Variants in TIMM9 observed in about 807,000 individuals in gnomAD.
The protein encoded by TIMM9 is mitochondrial import inner membrane translocase subunit Tim9.
Under a neutral mutation model 13.4 loss-of-function variants are expected in TIMM9, and 10 were observed. The ratio of observed to expected loss-of-function variants is 0.75; its 90% CI spans 0.46 to 1.26. The LOEUF is 1.26. Among genes scored for constraint, TIMM9 ranks in the 50% most tolerant of loss-of-function variants. TIMM9 has a pLI of 0.00. For missense variants in TIMM9, 87 were observed against 100.8 expected, an observed-to-expected ratio of 0.86 and a Z score of 0.58; for synonymous variants, 32 against 32.1, an observed-to-expected ratio of 1.00 and a Z score of 0.01.
intron 3 of TIMM9, 152 bp from the exon 4 acceptor site, chr14:58,412,123 G>A (rs1412139235): frequency 3.5e-6 from 2 of 569,626 alleles, no homozygotes; most frequent in Non-Finnish European, 3.1e-6. Flanking sequence ...AATGACCATA[G>A]AACCTTACAG....
chr14:58,424,477 C>A (rs1232213144), intron 2 of TIMM9, among the ~76,000 whole-genome samples: 1 of 152,140 alleles, frequency 6.6e-6, no homozygotes, highest in East Asian at 1.9e-4. Flanking sequence ...TTCCCCATTG[C>A]ACCTATAAAA....
intron 3 of TIMM9, among the ~76,000 whole-genome samples, chr14:58,419,813 G>T (rs1187567234): frequency 2.0e-5 from 3 of 152,080 alleles, no homozygotes; most frequent in Non-Finnish European, 4.4e-5. Flanking sequence ...CTACTCAAGA[G>T]GCTGAGGTAG....
chr14:58,409,313 C>G, intron 5 of TIMM9, 145 bp from the exon 6 acceptor site: 1 of 871,986 alleles, frequency 1.1e-6, no homozygotes, highest in East Asian at 2.8e-5. Flanking sequence ...AGCAACTGAC[C>G]ATAGCTTTTA....
At chr14:58,416,587 C>T (rs979934674) in intron 3 of TIMM9, among the ~76,000 whole-genome samples, 15 of 152,162 alleles carry the variant, frequency 9.9e-5, no homozygotes, top group Non-Finnish European at 1.9e-4. Context: ...CCTGGAACAT[C>T]AAGGAGGAAA....
intron 4 of TIMM9, among the ~76,000 whole-genome samples, chr14:58,411,414 C>T (rs1397862694): frequency 6.6e-6 from 1 of 151,368 alleles, no homozygotes; most frequent in South Asian, 2.1e-4. Context: ...TGCCACTGCA[C>T]TCCAGCCTGG....
At chr14:58,409,838 A>C (rs1207639090) in intron 5 of TIMM9, among the ~76,000 whole-genome samples, 3 of 152,036 alleles carry the variant, frequency 2.0e-5, no homozygotes, top group African/African-American at 7.2e-5. Context: ...TCAGCCTCCC[A>C]ATGTGCTGAA....
intron 2 of TIMM9, among the ~76,000 whole-genome samples, chr14:58,424,350 C>T (rs370424510): frequency 2.6e-5 from 4 of 152,082 alleles, no homozygotes; most frequent in African/African-American, 7.2e-5. Context: ...GATTTTCCTA[C>T]TAATTCTGGG....
At chr14:58,409,851 T>C (rs978215152) in intron 5 of TIMM9, among the ~76,000 whole-genome samples, 1 of 152,094 alleles carries the variant, frequency 6.6e-6, no homozygotes, top group Admixed American at 6.6e-5. Flanking sequence ...GTGCTGAAGT[T>C]CCAGGCGTGA....
chr14:58,418,420 CCA>C, intron 3 of TIMM9, among the ~76,000 whole-genome samples: 1 of 152,318 alleles, frequency 6.6e-6, no homozygotes, highest in Middle Eastern at 3.4e-3. Flanking sequence ...TCCACTCTCA[CCA>C]CTCTTATCTA....
At chr14:58,415,295 G>C (rs903036183) in intron 3 of TIMM9, among the ~76,000 whole-genome samples, 1 of 152,086 alleles carries the variant, frequency 6.6e-6, no homozygotes, top group Non-Finnish European at 1.5e-5. Context: ...TGATATGCAA[G>C]ATGTCCAGGC....
chr14:58,415,028 G>T (rs548706670), intron 3 of TIMM9, among the ~76,000 whole-genome samples: 2 of 152,144 alleles, frequency 1.3e-5, no homozygotes, highest in African/African-American at 2.4e-5. Flanking sequence ...GAGGCCACAT[G>T]GGGAGAGTAA....
At chr14:58,412,420 G>A (rs1329509741) in intron 3 of TIMM9, among the ~76,000 whole-genome samples, 2 of 152,178 alleles carry the variant, frequency 1.3e-5, no homozygotes, top group Non-Finnish European at 2.9e-5. Flanking sequence ...GATTACAGGC[G>A]TTAGCCGCCG....
At chr14:58,409,968 T>TCCAC (rs2036160887) in intron 5 of TIMM9, among the ~76,000 whole-genome samples, 1 of 151,926 alleles carries the variant, frequency 6.6e-6, no homozygotes, top group South Asian at 2.1e-4. Flanking sequence ...TGGGCTTAAG[T>TCCAC]GATCCTCCTA....
chr14:58,408,566 A>T lies in TIMM9; in HGVS notation c.*468T>A. 1.9e-6 allele frequency: 3 copies of T among 1,614,082 alleles called. No homozygotes were observed. Among genetic ancestry groups the T allele is most frequent in the Non-Finnish European group, 2.5e-6 (3 of 1,179,970 alleles). ...GACATGAATGAACAGGACTGCTTGG[A>T]GGATGATCCTGATTGAAAAACATTT... On this transcript the variant is annotated 3_prime_UTR_variant, in exon 6 of 6. Transcript: ENST00000395159.
chr14:58,414,890 A>G (rs2036351770), intron 3 of TIMM9, among the ~76,000 whole-genome samples: 3 of 152,222 alleles, frequency 2.0e-5, no homozygotes, highest in Admixed American at 2.0e-4. Flanking sequence ...TTTCCACCCC[A>G]ATTGGCAGTA....
intron 3 of TIMM9, among the ~76,000 whole-genome samples, chr14:58,422,432 T>C (rs929541865): frequency 2.6e-5 from 4 of 152,104 alleles, no homozygotes; most frequent in African/African-American, 9.7e-5. Context: ...ATGAAATCTT[T>C]AAATGTTCTC....
At chr14:58,416,110 C>A (rs1271877456) in intron 3 of TIMM9, among the ~76,000 whole-genome samples, 1 of 151,680 alleles carries the variant, frequency 6.6e-6, no homozygotes, top group Non-Finnish European at 1.5e-5. Context: ...CACCTGTAAT[C>A]CCAGCTACTC....
At chr14:58,426,422 G>T (rs952126633) in intron 2 of TIMM9, among the ~76,000 whole-genome samples, 1 of 151,898 alleles carries the variant, frequency 6.6e-6, no homozygotes, top group Admixed American at 6.6e-5. Context: ...GGCCAGGCTG[G>T]TCTCGAACTC....
chr14:58,414,257 G>A (rs1320250474), intron 3 of TIMM9, among the ~76,000 whole-genome samples: 1 of 151,854 alleles, frequency 6.6e-6, no homozygotes, highest in Non-Finnish European at 1.5e-5. Flanking sequence ...ATGAAGCTTT[G>A]TTGAAACTAA....
Sources: allele counts gnomAD v4.1 joint callset (sites outside exome capture counted in the v4.1 genomes callset), GRCh38; gene constraint gnomAD v4.1.1; transcripts MANE v1.5; gene names NCBI Gene and HGNC (gene_info 2026-07-23, HGNC 2026-07-21).